The following NCAPG2 variants were observed in gnomAD, a reference collection of about 807,000 sequenced individuals.
The protein encoded by NCAPG2 is condensin-2 complex subunit G2.
Under a neutral mutation model 141.1 loss-of-function variants are expected in NCAPG2, and 53 were observed. The observed-to-expected ratio is 0.38, with a 90% CI of 0.30 to 0.47. The LOEUF is 0.47. Ranked by LOEUF, NCAPG2 falls within the 20% of genes least tolerant of loss-of-function variation. The probability of loss-of-function intolerance (pLI) is 0.99; values close to 1 mark genes in which losing one functional copy is unlikely to be tolerated. For missense variants in NCAPG2, 1,087 were observed against 1,389.0 expected (o/e 0.78, Z 3.46); for synonymous variants, 499 against 490.7 (o/e 1.02, Z -0.22).
chr7:158,655,897 CA>C (rs763637739), intron 19 of NCAPG2, among the ~76,000 whole-genome samples: 14 of 152,170 alleles, frequency 9.2e-5, no homozygotes, highest in Non-Finnish European at 1.8e-4. Flanking sequence ...AAATGCTCTC[CA>C]AACATTCCCA....
At chr7:158,634,467 C>A (rs1450073701) in intron 27 of NCAPG2, among the ~76,000 whole-genome samples, 1 of 152,152 alleles carries the variant, frequency 6.6e-6, no homozygotes, top group Non-Finnish European at 1.5e-5. Context: ...AGTACAGGCA[C>A]AACCATCCAT....
Position 158,698,756 on chromosome 7 carries a change from C to T in NCAPG2, c.78+3066G>A, listed in dbSNP as rs750465774. 5.5e-4 allele frequency among the ~76,000 whole-genome samples: 84 copies of T among 152,158 alleles called. 1 individual carries two copies. The highest frequency in any genetic ancestry group is 3.9e-4 in the Admixed American group (6 of 15,276). On this transcript the variant is annotated intron_variant, in intron 2 of 27. Transcript: ENST00000356309. ...TAGCCACTCCATCGTTCCCAACTTC[C>T]ACTTCCACTTGCTTTATCAGTAGTA...
In NCAPG2 at chr7:158,689,797, CAAAAAACAAATACCTA is replaced by C. The variant is rs1563573586; in HGVS notation, c.672+6_672+21del. On this transcript the variant is annotated splice_donor_region_variant and intron_variant, in intron 6 of 27. Transcript: ENST00000356309. ...ATTAAGAAGCAGCTCACAAACAGAT[CAAAAAACAAATACCTA>C]TTTACCTCTTCTTTCTTGATATAAT... The C allele has an allele frequency of 6.5e-7, 1 of 1,546,548 alleles. No individual in the cohort carries two copies. Among genetic ancestry groups the C allele is most frequent in the African/African-American group, 1.4e-5 (1 of 72,194 alleles).
At chr7:158,637,579 C>CGAGCCACACACAGGAGCCCGTGGGACTCA (rs1403971410) in intron 27 of NCAPG2, among the ~76,000 whole-genome samples, 1 of 5,132 alleles carries the variant, frequency 1.9e-4, no homozygotes, top group Non-Finnish European at 4.2e-4. Flanking sequence ...GCTCCGGCTC[C>CGAGCCACACACAGGAGCCCGTGGGACTCA]AGCAGCTCCC....
Position 158,669,812 on chromosome 7 carries a change from T to C in NCAPG2, c.1479+1702A>G, listed in dbSNP as rs532237105. On this transcript the variant is annotated intron_variant, in intron 13 of 27. Transcript: ENST00000356309. The stretch of plus-strand genomic sequence containing the variant: ...AAAAAAAAAATTGACATGCTTACTC[T>C]ACATTTTTTTAAGAGATAAGGTCTC... Among the ~76,000 whole-genome samples the C allele has an allele frequency of 6.3e-5, 9 of 142,422 alleles. 1 individual carries two copies. The South Asian group carries it at 2.1e-3, about 34-fold the overall frequency. The allele number at this position is 142,422 out of a possible 152,430, so 93.4% of individuals were successfully genotyped here.
At position 158,692,906 on chromosome 7, in the gene NCAPG2, A is replaced by G; in HGVS notation, c.318T>C (p.Ser106=). 1 of 1,594,980 alleles carries G rather than the reference A, an allele frequency of 6.3e-7. No homozygotes were observed. The highest frequency in any genetic ancestry group is 8.6e-7 in the Non-Finnish European group (1 of 1,166,758). Residue 106 remains serine (S), a synonymous_variant, in exon 4 of 28, where the codon TCT becomes TCC. Coordinates refer to ENST00000356309, the MANE Select transcript of NCAPG2 (RefSeq NM_017760.7). ...TCTCACTTTCATTTATTACAGACAC[A>G]GAAGCAAGAATCACAGATGTAATTG... ...IYAITSVILA[S]VSVINESENY...
At chr7:158,668,589 T>A in intron 13 of NCAPG2, 1 of 251,418 alleles carries the variant, frequency 4.0e-6, no homozygotes, top group Non-Finnish European at 6.3e-6. Context: ...AGATCGGACA[T>A]AGCAATAATT....
At position 158,650,692 on chromosome 7, in the gene NCAPG2, G is replaced by A. The variant is rs1831422878; in HGVS notation, c.3075+140C>T. The A allele has an allele frequency of 2.9e-6, 3 of 1,051,964 alleles. No homozygotes were observed. In the South Asian group the frequency reaches 5.1e-5, roughly 18 times the overall value. 65.2% of individuals were successfully genotyped at this position (1,051,964 alleles called of 1,614,324 possible). On this transcript the variant is annotated intron_variant, in intron 24 of 27. Transcript: ENST00000356309. ...AGCTATCAAACTCTGAGGTGTAGCT[G>A]CTAGGAAAGTGCACCACTCACTCAA...
chr7:158,704,258 C>T (rs1464389078), intron 1 of NCAPG2, among the ~76,000 whole-genome samples: 2 of 141,052 alleles, frequency 1.4e-5, no homozygotes, highest in African/African-American at 2.7e-5. Flanking sequence ...TCTCTGAGGG[C>T]AGTGCCCATG....
At chr7:158,667,404 C>A (rs1317409832) in intron 13 of NCAPG2, among the ~76,000 whole-genome samples, 1 of 89,652 alleles carries the variant, frequency 1.1e-5, no homozygotes, top group Non-Finnish European at 2.6e-5. Context: ...GTCCCTCCGC[C>A]CTCCTTACCC....
rs1793904892 is a variant in NCAPG2 at position 158,656,570 on chromosome 7, T to C, written c.2196A>G (p.Thr732=). The stretch of plus-strand genomic sequence containing the variant: ...AACCTACCTTGGCCTGGGCATGCTC[T>C]GTGGGCAGCCAGTTGTCAACAAGCT... ...ILELVDNWLP[T]EHAQAKSNTA... The change falls in exon 18 of 28, where the codon ACA becomes ACG. Residue 732 remains threonine, a synonymous_variant. Coordinates refer to ENST00000356309, the MANE Select transcript of NCAPG2 (RefSeq NM_017760.7). 6.2e-7 allele frequency: 1 copy of C among 1,614,132 alleles called. No homozygotes were observed. The highest frequency in any genetic ancestry group is 1.7e-5 in the Admixed American group (1 of 60,020).
chr7:158,702,841 A>G (rs1028957051), intron 1 of NCAPG2, among the ~76,000 whole-genome samples: 3 of 152,196 alleles, frequency 2.0e-5, no homozygotes, highest in Admixed American at 6.5e-5. Flanking sequence ...GTTAACAGTG[A>G]AGTCTGGTCA....
chr7:158,667,496 T>C (rs1217876395), intron 13 of NCAPG2, among the ~76,000 whole-genome samples: 1 of 111,144 alleles, frequency 9.0e-6, no homozygotes, highest in African/African-American at 3.4e-5. Flanking sequence ...TCCGCCCGCC[T>C]TACCCACTAC....
intron 22 of NCAPG2, 140 bp downstream of exon 22, chr7:158,654,455 C>T: frequency 3.6e-6 from 3 of 838,130 alleles, no homozygotes; most frequent in South Asian, 2.2e-5. Context: ...AACCACCTAA[C>T]AAATCCCTTT....
In NCAPG2 at chr7:158,660,401, CTTTTTTTTTT is replaced by C. The variant is rs945928092; in HGVS notation, c.1989+1783_1989+1792del. Among the ~76,000 whole-genome samples the C allele has an allele frequency of 6.9e-5, 5 of 72,820 alleles. 1 individual carries two copies. Among genetic ancestry groups the C allele is most frequent in the African/African-American group, 2.8e-4 (5 of 18,134 alleles). The allele number at this position is 72,820 out of a possible 152,430, so 47.8% of individuals were successfully genotyped here. A position where few individuals can be genotyped will look rare whatever the true frequency, so the allele number is the denominator to read the frequency against. Reference sequence around the variant, plus strand: ...AGTCCCAGGTCATTATTTCAGCTTTCTTTTTTTTTTTTTTTTTTTTTTTTTTTTAAAAGAG... The same window carrying C: ...AGTCCCAGGTCATTATTTCAGCTTTCTTTTTTTTTTTTTTTTTTAAAAGAG... On this transcript the variant is annotated intron_variant, in intron 16 of 27. Coordinates refer to ENST00000356309, the MANE Select transcript of NCAPG2 (RefSeq NM_017760.7).
intron 27 of NCAPG2, among the ~76,000 whole-genome samples, chr7:158,637,421 G>A (rs1830301861): frequency 5.8e-5 from 2 of 34,288 alleles, no homozygotes; most frequent in African/African-American, 1.1e-4. Context: ...TGGGGAAGGA[G>A]GGGACTTTCT....
At chr7:158,641,906 G>A (rs543684000) in intron 27 of NCAPG2, among the ~76,000 whole-genome samples, 1 of 152,280 alleles carries the variant, frequency 6.6e-6, no homozygotes, top group Non-Finnish European at 1.5e-5. Flanking sequence ...GGATATAATG[G>A]ACGTCTACAG....
intron 13 of NCAPG2, among the ~76,000 whole-genome samples, chr7:158,667,692 CG>C (rs1379141557): frequency 7.5e-5 from 1 of 13,422 alleles, no homozygotes. Context: ...TCCCTCCGCC[CG>C]CCTTACCCAC....
At chr7:158,687,514 G>T in intron 6 of NCAPG2, 72 bp from the exon 7 acceptor site, 2 of 1,116,642 alleles carry the variant, frequency 1.8e-6, no homozygotes, top group Non-Finnish European at 2.6e-6. Flanking sequence ...ACAATTATTT[G>T]AACGTCTAGT....
Sources: allele counts gnomAD v4.1 joint callset (sites outside exome capture counted in the v4.1 genomes callset), GRCh38; gene constraint gnomAD v4.1.1; transcripts MANE v1.5; gene names NCBI Gene and HGNC (gene_info 2026-07-23, HGNC 2026-07-21).